The following PLPP4 variants were observed in gnomAD, a reference collection of about 807,000 sequenced individuals.
PLPP4 encodes diacylglycerol pyrophosphate like 2.
Under a neutral mutation model 32.2 loss-of-function variants are expected in PLPP4, and 20 were observed. The ratio of observed to expected loss-of-function variants is 0.62; its 90% CI spans 0.44 to 0.90. The LOEUF (loss-of-function observed/expected upper bound fraction) is 0.90, where lower values mean the gene tolerates loss of function less well. PLPP4 is among the 40% of genes least tolerant of loss of function. The pLI, the probability that PLPP4 is intolerant of heterozygous loss-of-function variation, is 0.00. For synonymous variants in PLPP4, 127 were observed against 133.0 expected, an observed-to-expected ratio of 0.95 and a Z score of 0.31; for missense variants, 257 against 353.1, an observed-to-expected ratio of 0.73 and a Z score of 2.18.
chr10:120,474,116 T>C (rs373159295), intron 1 of PLPP4, among the ~76,000 whole-genome samples: 1 of 152,316 alleles, frequency 6.6e-6, no homozygotes, highest in South Asian at 2.1e-4. Context: ...TATGGATTTA[T>C]GTTTATGTTT....
At chr10:120,546,683 T>G (rs974523540) in intron 5 of PLPP4, among the ~76,000 whole-genome samples, 2 of 152,178 alleles carry the variant, frequency 1.3e-5, no homozygotes, top group Non-Finnish European at 2.9e-5. Context: ...TAGCCTACCC[T>G]GCCTGGCACA....
At chr10:120,487,009 A>G (rs1844489865) in intron 1 of PLPP4, among the ~76,000 whole-genome samples, 3 of 152,268 alleles carry the variant, frequency 2.0e-5, no homozygotes, top group Admixed American at 6.5e-5. Context: ...AACATTTTCC[A>G]TGCAAGTAAT....
At chr10:120,457,449 C>G in intron 1 of PLPP4, 88 bp downstream of exon 1, 1 of 1,223,302 alleles carries the variant, frequency 8.2e-7, no homozygotes, top group Non-Finnish European at 1.1e-6. Flanking sequence ...GTTTGCGCAG[C>G]CGCTTCCCAC....
chr10:120,550,215 A>G (rs927551947), intron 5 of PLPP4, among the ~76,000 whole-genome samples: 11 of 151,996 alleles, frequency 7.2e-5, no homozygotes, highest in Admixed American at 3.3e-4. Context: ...TACCATTTAT[A>G]GGTACTTAGG....
chr10:120,583,170 C>T (rs886864973), intron 6 of PLPP4, among the ~76,000 whole-genome samples: 39 of 151,846 alleles, frequency 2.6e-4, no homozygotes, highest in African/African-American at 9.2e-4. Context: ...GCCTTGGTGA[C>T]AGAAGGGATG....
intron 2 of PLPP4, among the ~76,000 whole-genome samples, chr10:120,505,750 A>T (rs949563593): frequency 6.6e-6 from 1 of 152,226 alleles, no homozygotes; most frequent in Non-Finnish European, 1.5e-5. Flanking sequence ...TTACTAACAC[A>T]TGACTACTAA....
At chr10:120,569,248 A>AAG (rs1307165932) in intron 5 of PLPP4, among the ~76,000 whole-genome samples, 2 of 151,740 alleles carry the variant, frequency 1.3e-5, no homozygotes, top group Non-Finnish European at 2.9e-5. Context: ...CAAAAAAAAA[A>AAG]AAAAATTCTT....
intron 5 of PLPP4, among the ~76,000 whole-genome samples, chr10:120,523,184 C>A (rs936103571): frequency 6.6e-6 from 1 of 152,146 alleles, no homozygotes; most frequent in Non-Finnish European, 1.5e-5. Context: ...TGCCTGTAAT[C>A]CCAGCTACTC....
chr10:120,579,370 C>G (rs560309075), intron 6 of PLPP4, among the ~76,000 whole-genome samples: 3 of 152,018 alleles, frequency 2.0e-5, no homozygotes, highest in Non-Finnish European at 1.5e-5. Flanking sequence ...GAAAGCGTCT[C>G]GGTCATTCAC....
intron 5 of PLPP4, among the ~76,000 whole-genome samples, chr10:120,540,902 T>C (rs1847308968): frequency 1.3e-5 from 2 of 152,180 alleles, no homozygotes; most frequent in Non-Finnish European, 2.9e-5. Context: ...TCATGGCACA[T>C]GTGCAGGAGA....
chr10:120,588,455 C>T (rs1849864307), intron 6 of PLPP4, among the ~76,000 whole-genome samples: 1 of 152,190 alleles, frequency 6.6e-6, no homozygotes, highest in Admixed American at 6.5e-5. Context: ...AGTTTGCCAA[C>T]ACAGGCATAT....
At chr10:120,521,365 G>A (rs557898238) in intron 5 of PLPP4, among the ~76,000 whole-genome samples, 9 of 152,286 alleles carry the variant, frequency 5.9e-5, no homozygotes, top group South Asian at 2.1e-4. Context: ...TGCACAGTAC[G>A]ATTTAGGACA....
intron 5 of PLPP4, among the ~76,000 whole-genome samples, chr10:120,574,802 C>T (rs1401383421): frequency 6.6e-6 from 1 of 152,210 alleles, no homozygotes; most frequent in Non-Finnish European, 1.5e-5. Context: ...CCTCTTGACT[C>T]CAGAGATAGT....
Position 120,577,065 on chromosome 10 carries a change from A to G in PLPP4, c.616+1764A>G, listed in dbSNP as rs920041193. Among the ~76,000 whole-genome samples, 9 of 152,354 alleles carry G rather than the reference A, an allele frequency of 5.9e-5. No homozygotes were observed. In the South Asian group the frequency reaches 6.2e-4, roughly 11 times the overall value. ...ATAGATTGAATGAAATAATGGATCC[A>G]AATGTTCTTTGTAAATGGAAATTTA... On this transcript the variant is annotated intron_variant, in intron 6 of 6. Coordinates refer to ENST00000398250, the MANE Select transcript of PLPP4 (RefSeq NM_001030059.3).
rs1466181281 is a variant in PLPP4, at chr10:120,591,285, C to T, written c.*1783C>T. Among the ~76,000 whole-genome samples, 3 of 152,150 alleles carry T rather than the reference C, an allele frequency of 2.0e-5. No homozygotes were observed. Among genetic ancestry groups the T allele is most frequent in the Non-Finnish European group, 4.4e-5 (3 of 68,026 alleles). ...TGAGCCCCAGTGCAGCCCTCTCCAG[C>T]CCTGGTCCTTCCAAACTGGCTTTGG... On this transcript the variant is annotated 3_prime_UTR_variant, in exon 7 of 7. Coordinates refer to ENST00000398250, the MANE Select transcript of PLPP4 (RefSeq NM_001030059.3).
intron 5 of PLPP4, among the ~76,000 whole-genome samples, chr10:120,534,368 A>AT (rs1033311416): frequency 2.6e-5 from 4 of 151,060 alleles, no homozygotes; most frequent in African/African-American, 9.7e-5. Flanking sequence ...TGCTTTAAAT[A>AT]TTTTTTCCTT....
chr10:120,589,762 C>A lies in PLPP4; in HGVS notation c.*260C>A. On this transcript the variant is annotated 3_prime_UTR_variant, in exon 7 of 7. Transcript: ENST00000398250. The stretch of plus-strand genomic sequence containing the variant: ...GAAGGTGGGGTTTGGGGAGCTTGGC[C>A]GATTCGTCTATCTGAAATGTTTGCT... 2.3e-6 allele frequency: 1 copy of A among 427,396 alleles called. No individual in the cohort carries two copies. Among genetic ancestry groups the A allele is most frequent in the Non-Finnish European group, 4.2e-6 (1 of 240,052 alleles). 26.5% of individuals were successfully genotyped at this position (427,396 alleles called of 1,614,324 possible). A position where few individuals can be genotyped will look rare whatever the true frequency, so the allele number is the denominator to read the frequency against.
chr10:120,513,879 C>T (rs371784493), intron 2 of PLPP4, 32 bp from the exon 3 acceptor site: 10 of 1,523,986 alleles, frequency 6.6e-6, no homozygotes, highest in Non-Finnish European at 9.1e-6. Flanking sequence ...AAACTGATGT[C>T]CTCATAAGGG....
chr10:120,466,576 G>C (rs1253067526), intron 1 of PLPP4, among the ~76,000 whole-genome samples: 1 of 152,122 alleles, frequency 6.6e-6, no homozygotes. Flanking sequence ...GCAGACTGGG[G>C]AGTTTTCTGG....
Sources: gnomAD v4.1 joint callset for allele counts (sites outside exome capture counted in the v4.1 genomes callset) on GRCh38, gnomAD v4.1.1 for gene constraint, MANE v1.5 for transcripts, NCBI Gene and HGNC (gene_info 2026-07-23, HGNC 2026-07-21) for gene names.